The following XKR9 variants were observed in gnomAD, a reference collection of about 807,000 sequenced individuals.
XKR9 encodes XK-related protein 9.
XKR9 carries 32 observed loss-of-function variants against 32.0 expected under a neutral mutation model. The ratio of observed to expected loss-of-function variants is 1.00; its 90% CI spans 0.76 to 1.34. XKR9 has a LOEUF of 1.34. XKR9 is among the 40% of genes most tolerant of loss of function. The pLI is 0.00. For missense variants in XKR9, 546 were observed against 429.7 expected, an observed-to-expected ratio of 1.27 and a Z score of -2.39; for synonymous variants, 168 against 143.4, an observed-to-expected ratio of 1.17 and a Z score of -1.22.
chr8:70,761,012 C>T (rs1807301507), intron 2 of XKR9, among the ~76,000 whole-genome samples: 1 of 152,180 alleles, frequency 6.6e-6, no homozygotes, highest in Non-Finnish European at 1.5e-5. Flanking sequence ...TGGCCTCCAG[C>T]TCTATCCATG....
chr8:70,831,872 A>G, the XKR9 span, among the ~76,000 whole-genome samples: 1 of 152,048 alleles, frequency 6.6e-6, no homozygotes, highest in South Asian at 2.1e-4. Flanking sequence ...GAACCTATGC[A>G]TTTTCCTGCT....
chr8:70,978,251 T>C, the XKR9 span, among the ~76,000 whole-genome samples: 2 of 152,314 alleles, frequency 1.3e-5, no homozygotes, highest in Admixed American at 6.5e-5. Context: ...GTTAGTATTG[T>C]TATGTGTGAA....
the XKR9 span, among the ~76,000 whole-genome samples, chr8:70,863,155 C>T: frequency 6.6e-6 from 1 of 152,070 alleles, no homozygotes; most frequent in South Asian, 2.1e-4. Flanking sequence ...GGAAAAAGAC[C>T]TGTCAGATGT....
the XKR9 span, among the ~76,000 whole-genome samples, chr8:70,923,995 T>C: frequency 1.0e-3 from 157 of 152,346 alleles, 1 homozygote; most frequent in African/African-American, 3.8e-3. Context: ...GTAATGTTGG[T>C]GAACTGGTTC....
chr8:70,736,478 C>T (rs1425765819), downstream of XKR9, among the ~76,000 whole-genome samples: 1 of 152,128 alleles, frequency 6.6e-6, no homozygotes, highest in African/African-American at 2.4e-5. Flanking sequence ...TTAATTAGAT[C>T]CCATTTGTCA....
downstream of XKR9, among the ~76,000 whole-genome samples, chr8:70,738,109 T>C (rs1221954766): frequency 4.0e-4 from 50 of 124,144 alleles, 1 homozygote; most frequent in East Asian, 5.9e-4. Context: ...TGGACTCTTT[T>C]TGGTTGGTAA....
chr8:70,820,033 T>A, the XKR9 span, among the ~76,000 whole-genome samples: 1 of 152,148 alleles, frequency 6.6e-6, no homozygotes, highest in African/African-American at 2.4e-5. Flanking sequence ...AACATGTTAC[T>A]CCAAAATGCC....
At chr8:71,005,225 C>CTTTTTTT in the XKR9 span, among the ~76,000 whole-genome samples, 2 of 130,348 alleles carry the variant, frequency 1.5e-5, no homozygotes, top group Non-Finnish European at 3.2e-5. Context: ...TTTTCTTTTT[C>CTTTTTTT]TTTTTTTTTT....
chr8:70,857,554 C>T, the XKR9 span, among the ~76,000 whole-genome samples: 1 of 152,190 alleles, frequency 6.6e-6, no homozygotes, highest in African/African-American at 2.4e-5. Context: ...GAGCTGGTAC[C>T]TTTCCTTCTG....
chr8:70,994,160 C>T, the XKR9 span, among the ~76,000 whole-genome samples: 1 of 152,092 alleles, frequency 6.6e-6, no homozygotes. Flanking sequence ...CAGAAATGGA[C>T]CAAGTCAAAG....
At chr8:70,811,963 C>A in the XKR9 span, among the ~76,000 whole-genome samples, 4 of 152,024 alleles carry the variant, frequency 2.6e-5, no homozygotes, top group Admixed American at 6.6e-5. Flanking sequence ...CATCCGGATA[C>A]CAAAGCCTGG....
chr8:70,705,252 T>C (rs1234403336), intron 3 of XKR9, among the ~76,000 whole-genome samples: 1 of 152,198 alleles, frequency 6.6e-6, no homozygotes, highest in Non-Finnish European at 1.5e-5. Context: ...TTCTTAGTTG[T>C]TTAGGATATA....
the XKR9 span, among the ~76,000 whole-genome samples, chr8:71,046,437 G>A: frequency 6.6e-6 from 1 of 152,164 alleles, no homozygotes; most frequent in African/African-American, 2.4e-5. Flanking sequence ...TCCTAACATT[G>A]CTTTTCAAAT....
chr8:70,991,905 C>T, the XKR9 span, among the ~76,000 whole-genome samples: 1 of 106,634 alleles, frequency 9.4e-6, no homozygotes, highest in Non-Finnish European at 1.9e-5. Context: ...ATTTGGTTGT[C>T]TTTGTTACCT....
At chr8:71,062,299 T>A in the XKR9 span, among the ~76,000 whole-genome samples, 5 of 152,216 alleles carry the variant, frequency 3.3e-5, no homozygotes. Flanking sequence ...TTTTAATTTA[T>A]TTCTCACTGT....
intron 4 of XKR9, among the ~76,000 whole-genome samples, chr8:70,719,371 A>T (rs540069015): frequency 1.5e-4 from 22 of 151,662 alleles, no homozygotes; most frequent in Non-Finnish European, 2.7e-4. Flanking sequence ...AGTCATGAAG[A>T]CTTTGCCCAT....
chr8:70,959,098 C>A, the XKR9 span, among the ~76,000 whole-genome samples: 1 of 151,952 alleles, frequency 6.6e-6, no homozygotes, highest in South Asian at 2.1e-4. Context: ...TTTTATAAAT[C>A]AGAAATGAAC....
At chr8:70,713,576 A>G (rs1805991028) in intron 4 of XKR9, among the ~76,000 whole-genome samples, 1 of 152,196 alleles carries the variant, frequency 6.6e-6, no homozygotes, top group South Asian at 2.1e-4. Flanking sequence ...CAAAGGAAGT[A>G]GTAAGTATAT....
chr8:70,967,652 T>G, the XKR9 span, among the ~76,000 whole-genome samples: 2 of 152,254 alleles, frequency 1.3e-5, no homozygotes, highest in South Asian at 2.1e-4. Context: ...TCCCTCAGCA[T>G]TTGCTTGTCT....
Sources: allele counts gnomAD v4.1 joint callset (sites outside exome capture counted in the v4.1 genomes callset), GRCh38; gene constraint gnomAD v4.1.1; transcripts MANE v1.5; gene names NCBI Gene and HGNC (gene_info 2026-07-23, HGNC 2026-07-21).